Variants in MTHFD2L observed in about 807,000 individuals in gnomAD.
MTHFD2L encodes the protein methylenetetrahydrofolate dehydrogenase (NADP+ dependent) 2 like, also known as bifunctional methylenetetrahydrofolate dehydrogenase/cyclohydrolase 2, mitochondrial.
MTHFD2L carries 29 observed loss-of-function variants against 34.9 expected under a neutral mutation model. That is an observed-to-expected ratio of 0.83 (90% confidence interval 0.62 to 1.13). The LOEUF is 1.13. MTHFD2L is among the 50% of genes most tolerant of loss of function. The probability of loss-of-function intolerance (pLI) is 0.00; values close to 1 mark genes in which losing one functional copy is unlikely to be tolerated. For missense variants in MTHFD2L, 481 were observed against 446.5 expected (o/e 1.08, Z -0.70); for synonymous variants, 167 against 155.7 (o/e 1.07, Z -0.54).
intron 3 of MTHFD2L, among the ~76,000 whole-genome samples, chr4:74,198,561 G>A (rs1332507771): frequency 1.3e-5 from 2 of 151,984 alleles, no homozygotes; most frequent in African/African-American, 4.8e-5. Flanking sequence ...GTGAGTGGTA[G>A]GTGATTTAAA....
chr4:74,123,653 T>G (rs569485717), upstream of MTHFD2L, among the ~76,000 whole-genome samples: 17 of 152,244 alleles, frequency 1.1e-4, no homozygotes, highest in South Asian at 3.3e-3. Context: ...TTTTTTTATG[T>G]AACTTAGAAT....
Position 74,302,457 on chromosome 4 carries a change from A to G in MTHFD2L, c.*648A>G, listed in dbSNP as rs1291610723. The G allele has an allele frequency of 1.3e-5, 2 of 152,122 alleles. No individual in the cohort carries two copies. Among genetic ancestry groups the G allele is most frequent in the African/African-American group, 4.8e-5 (2 of 41,454 alleles). 9.4% of individuals were successfully genotyped at this position (152,122 alleles called of 1,614,324 possible). A position where few individuals can be genotyped will look rare whatever the true frequency, so the allele number is the denominator to read the frequency against. Reference sequence around the variant, plus strand: ...TGTTTGGAAGTGTAATGATTTTATCACATGGTGAATGACTACTAAGAGTAA... The same window carrying G: ...TGTTTGGAAGTGTAATGATTTTATCGCATGGTGAATGACTACTAAGAGTAA... On this transcript the variant is annotated 3_prime_UTR_variant, in exon 8 of 8. Coordinates refer to ENST00000325278, the MANE Select transcript of MTHFD2L (RefSeq NM_001144978.3).
intron 3 of MTHFD2L, 125 bp from the exon 4 acceptor site, chr4:74,199,669 A>G: frequency 1.4e-6 from 1 of 729,724 alleles, no homozygotes; most frequent in Non-Finnish European, 2.1e-6. Flanking sequence ...TAATAATAAT[A>G]ATGACTTTAC....
chr4:74,283,578 A>G (rs755357483), intron 7 of MTHFD2L, among the ~76,000 whole-genome samples: 18 of 152,148 alleles, frequency 1.2e-4, no homozygotes, highest in Non-Finnish European at 2.2e-4. Context: ...GATAGCAATT[A>G]TATTAGTGGC....
At chr4:74,212,280 G>A (rs1052372439) in intron 5 of MTHFD2L, among the ~76,000 whole-genome samples, 2 of 152,044 alleles carry the variant, frequency 1.3e-5, no homozygotes, top group African/African-American at 4.8e-5. Context: ...TTTTAATTGT[G>A]ATGTTAGGGT....
At chr4:74,176,771 C>T (rs898516312) in intron 3 of MTHFD2L, among the ~76,000 whole-genome samples, 6 of 151,912 alleles carry the variant, frequency 3.9e-5, no homozygotes, top group African/African-American at 1.4e-4. Flanking sequence ...TTAAACTGCG[C>T]AAAATGAGGA....
chr4:74,262,640 A>G (rs1744818122), intron 6 of MTHFD2L, among the ~76,000 whole-genome samples: 1 of 151,984 alleles, frequency 6.6e-6, no homozygotes, highest in Admixed American at 6.6e-5. Flanking sequence ...TGTCACTGAT[A>G]ATCAGACAAT....
intron 7 of MTHFD2L, among the ~76,000 whole-genome samples, chr4:74,295,845 A>G (rs1749563859): frequency 6.6e-6 from 1 of 151,954 alleles, no homozygotes; most frequent in Non-Finnish European, 1.5e-5. Flanking sequence ...TCTCCCCTAC[A>G]CTGTCTATTC....
At chr4:74,267,055 C>A (rs1274817350) in intron 6 of MTHFD2L, 1 of 985,096 alleles carries the variant, frequency 1.0e-6, no homozygotes, top group Admixed American at 6.2e-5. Flanking sequence ...AACTAATATA[C>A]CTCTCCTTGC....
intron 7 of MTHFD2L, among the ~76,000 whole-genome samples, chr4:74,286,873 G>C (rs372807325): frequency 6.6e-6 from 1 of 152,042 alleles, no homozygotes; most frequent in Admixed American, 6.6e-5. Context: ...CTAAAACAAG[G>C]AATGAAACAG....
At chr4:74,270,021 A>G (rs899551372) in intron 6 of MTHFD2L, among the ~76,000 whole-genome samples, 4 of 152,208 alleles carry the variant, frequency 2.6e-5, no homozygotes, top group Admixed American at 1.3e-4. Context: ...TAAATATTCT[A>G]TTTACGGACC....
chr4:74,202,269 G>T (rs1472918842), intron 5 of MTHFD2L, among the ~76,000 whole-genome samples: 1 of 152,174 alleles, frequency 6.6e-6, no homozygotes, highest in African/African-American at 2.4e-5. Context: ...GTAGATCAAA[G>T]GTTAGTCTTA....
chr4:74,279,989 C>T (rs1344836605), intron 6 of MTHFD2L, among the ~76,000 whole-genome samples: 3 of 152,066 alleles, frequency 2.0e-5, no homozygotes, highest in African/African-American at 7.2e-5. Context: ...ACATTTAAGC[C>T]ACCCGTAATG....
chr4:74,260,583 G>A (rs1744553481), intron 6 of MTHFD2L, among the ~76,000 whole-genome samples: 2 of 151,952 alleles, frequency 1.3e-5, no homozygotes, highest in Admixed American at 6.6e-5. Context: ...ATACTAGATA[G>A]TTTCAAGATC....
rs1723140633 is a variant in MTHFD2L, at chr4:74,139,263, T to C, written c.-297+13746T>C. 2.0e-5 allele frequency among the ~76,000 whole-genome samples: 3 copies of C among 152,242 alleles called. No individual in the cohort carries two copies. In the South Asian group the frequency reaches 6.2e-4, roughly 32 times the overall value. On this transcript the variant is annotated intron_variant, in intron 1 of 7. Coordinates refer to the MTHFD2L transcript ENST00000433372. The stretch of plus-strand genomic sequence containing the variant: ...TGGGAAGGTCCCAAAGGTGATACCC[T>C]AGGGGATGGCTAGTGGGGATTCATA...
intron 3 of MTHFD2L, 112 bp downstream of exon 3, chr4:74,175,515 ACTAG>A (rs1480266599): frequency 7.6e-6 from 9 of 1,185,126 alleles, no homozygotes; most frequent in Non-Finnish European, 1.1e-5. Context: ...TCAGAAGGAG[ACTAG>A]CTATTTTACT....
chr4:74,167,696 AT>A (rs1305917264), intron 1 of MTHFD2L, among the ~76,000 whole-genome samples: 1 of 152,152 alleles, frequency 6.6e-6, no homozygotes, highest in African/African-American at 2.4e-5. Context: ...AGGGAATATT[AT>A]ATCTGAAGAT....
At chr4:74,142,086 A>T (rs1018276001) in intron 1 of MTHFD2L, among the ~76,000 whole-genome samples, 1 of 152,120 alleles carries the variant, frequency 6.6e-6, no homozygotes, top group Non-Finnish European at 1.5e-5. Context: ...TCCTATGAAA[A>T]ACTCACCGTA....
rs1342379488 is a variant in MTHFD2L at position 74,158,166 on chromosome 4, C to G, written c.28C>G (p.Leu10Val). The G allele has an allele frequency of 6.5e-7, 1 of 1,529,276 alleles. No homozygotes were observed. The highest frequency in any genetic ancestry group is 1.4e-5 in the African/African-American group (1 of 72,644). The allele number at this position is 1,529,276 out of a possible 1,614,324, so 94.7% of individuals were successfully genotyped here. A position where few individuals can be genotyped will look rare whatever the true frequency, so the allele number is the denominator to read the frequency against. The change falls in exon 1 of 8, where the codon CTG (leucine) becomes GTG (valine). Residue 10 changes from leucine to valine, a missense_variant. Transcript: ENST00000325278. The part of the protein sequence containing the change: MTVPVRGFS[L>V]LRGRLGRAPA... Reference sequence around the variant, plus strand: ...GACGGTGCCGGTCCGCGGCTTCTCGCTGCTCCGCGGCCGCCTTGGCCGAGC... The same window carrying G: ...GACGGTGCCGGTCCGCGGCTTCTCGGTGCTCCGCGGCCGCCTTGGCCGAGC...
Sources: allele counts gnomAD v4.1 joint callset (sites outside exome capture counted in the v4.1 genomes callset), GRCh38; gene constraint gnomAD v4.1.1; transcripts MANE v1.5; gene names NCBI Gene and HGNC (gene_info 2026-07-23, HGNC 2026-07-21).